Variants in ABHD3 observed in about 807,000 individuals in gnomAD.
ABHD3 encodes the protein abhydrolase domain containing 3, phospholipase.
A neutral mutation model predicts 48.8 loss-of-function variants in ABHD3; 46 were observed. That is an observed-to-expected ratio of 0.94 (90% confidence interval 0.74 to 1.20). ABHD3 has a LOEUF of 1.20. ABHD3 is among the 50% of genes most tolerant of loss of function. The pLI is 0.00. For synonymous variants in ABHD3, 192 were observed against 183.7 expected (o/e 1.04, Z -0.36); for missense variants, 490 against 497.8 (o/e 0.98, Z 0.15).
At chr18:21,689,563 A>AAAAG (rs1269041764) in intron 3 of ABHD3, among the ~76,000 whole-genome samples, 2 of 150,660 alleles carry the variant, frequency 1.3e-5, no homozygotes, top group African/African-American at 4.9e-5. Context: ...AAAAAAAAAA[A>AAAAG]AAAAAAAAAA....
At position 21,689,474 on chromosome 18, in the gene ABHD3, G is replaced by A. The variant is rs374588517; in HGVS notation, c.510-5509C>T. On this transcript the variant is annotated intron_variant, in intron 3 of 8. Coordinates refer to ENST00000289119, the MANE Select transcript of ABHD3 (RefSeq NM_138340.5). ...TGAAGCAGGAGAATTGCTTGAATCC[G>A]GGAGGCGGAGTTTGCAGTGAGCCAA... Among the ~76,000 whole-genome samples, 38 of 149,796 alleles carry A rather than the reference G, an allele frequency of 2.5e-4. No homozygotes were observed. The Middle Eastern group carries it at 0.024, about 96-fold the overall frequency.
intron 4 of ABHD3, among the ~76,000 whole-genome samples, chr18:21,681,488 T>C (rs898736132): frequency 6.6e-6 from 1 of 152,130 alleles, no homozygotes; most frequent in African/African-American, 2.4e-5. Context: ...TGTAGGTCTG[T>C]AGTAACTGCT....
intron 3 of ABHD3, among the ~76,000 whole-genome samples, chr18:21,685,522 CTAAGA>C (rs1234639739): frequency 4.6e-5 from 7 of 152,172 alleles, no homozygotes; most frequent in East Asian, 1.9e-4. Flanking sequence ...ATTAACTCAC[CTAAGA>C]TAAATCTTTT....
Position 21,659,211 on chromosome 18 carries a change from A to C in ABHD3, c.801T>G (p.Phe267Leu), listed in dbSNP as rs2039426571. 2 of 1,613,632 alleles carry C rather than the reference A, an allele frequency of 1.2e-6. No homozygotes were observed. The highest frequency in any genetic ancestry group is 1.7e-6 in the Non-Finnish European group (2 of 1,179,910). ...GAAGGCAGGTTGTCAAATAGTAATT[A>C]AAAAGTAGCCAGTTCAGTGGTTTTT... is the stretch of plus-strand genomic sequence containing the variant. Reference protein sequence around the residue: ...SLEKPLNWLLFNYYLTTCLQS... With the variant: ...SLEKPLNWLLLNYYLTTCLQS... Residue 267 changes from phenylalanine to leucine, a missense_variant, in exon 6 of 9, where the codon TTT becomes TTG. Coordinates refer to ENST00000289119, the MANE Select transcript of ABHD3 (RefSeq NM_138340.5).
At position 21,651,654 on chromosome 18, in the gene ABHD3, G is replaced by GT; in HGVS notation, c.1166dup (p.Tyr389Ter). 6.2e-7 allele frequency: 1 copy of GT among 1,614,056 alleles called. No homozygotes were observed. Among genetic ancestry groups the GT allele is most frequent in the Non-Finnish European group, 8.5e-7 (1 of 1,180,002 alleles). ...CAAATTGCTTGAAGACACGATCCAT[G>GT]TAAGTGGACTGTCTTGGCCAGATTC... The part of the protein sequence containing the change: ...LEGIWPRQST[Y>*]MDRVFKQFVQ... Residue 389 changes from tyrosine to a stop codon, truncating the protein, a stop_gained and frameshift_variant, in exon 9 of 9, where the codon TAC becomes TAAC. Transcript: ENST00000289119. LOFTEE classifies it high-confidence loss of function.
chr18:21,668,200 CAAAAAAA>C (rs747590942), intron 4 of ABHD3, among the ~76,000 whole-genome samples: 2 of 61,354 alleles, frequency 3.3e-5, no homozygotes, highest in East Asian at 5.0e-4. Context: ...GAATCTATCT[CAAAAAAA>C]AAAAAAAAAA....
At chr18:21,654,387 G>T (rs1014117434) in intron 8 of ABHD3, among the ~76,000 whole-genome samples, 5 of 152,096 alleles carry the variant, frequency 3.3e-5, no homozygotes, top group Non-Finnish European at 7.4e-5. Flanking sequence ...TCCACAAATT[G>T]ACTGTTTAGA....
At chr18:21,663,756 G>A in intron 5 of ABHD3, 1 of 1,535,568 alleles carries the variant, frequency 6.5e-7, no homozygotes, top group Non-Finnish European at 8.7e-7. Flanking sequence ...AGTGATGAAA[G>A]TCATGCTACA....
chr18:21,680,864 G>T (rs962858354), intron 4 of ABHD3, among the ~76,000 whole-genome samples: 1 of 151,090 alleles, frequency 6.6e-6, no homozygotes, highest in African/African-American at 2.4e-5. Flanking sequence ...GTGTGTGTGT[G>T]TGTGTGTGTG....
intron 3 of ABHD3, among the ~76,000 whole-genome samples, chr18:21,697,476 T>G (rs2040398682): frequency 6.6e-6 from 1 of 151,846 alleles, no homozygotes; most frequent in Admixed American, 6.6e-5. Context: ...ACCTCCCGAG[T>G]TCAAGCGATT....
chr18:21,661,102 T>TAAAAAAAAAAAAAA (rs35710540), intron 5 of ABHD3, among the ~76,000 whole-genome samples: 1 of 57,226 alleles, frequency 1.7e-5, no homozygotes, highest in African/African-American at 7.0e-5. Context: ...AACTACAAGC[T>TAAAAAAAAAAAAAA]AAAAAAAAAA....
intron 8 of ABHD3, among the ~76,000 whole-genome samples, chr18:21,652,482 A>G (rs2039246878): frequency 6.6e-6 from 1 of 151,896 alleles, no homozygotes; most frequent in African/African-American, 2.4e-5. Flanking sequence ...AAGAAAAAAG[A>G]AAGAAAGAGA....
intron 4 of ABHD3, among the ~76,000 whole-genome samples, chr18:21,674,150 C>T (rs1332404670): frequency 6.6e-6 from 1 of 152,076 alleles, no homozygotes; most frequent in African/African-American, 2.4e-5. Context: ...TACAGGATCA[C>T]CTGACACATA....
rs753354281 is a variant in ABHD3 at position 21,704,564 on chromosome 18, T to G, written c.102A>C (p.Leu34Phe). 3.3e-6 allele frequency: 5 copies of G among 1,537,290 alleles called. No homozygotes were observed. The highest frequency in any genetic ancestry group is 4.4e-6 in the Non-Finnish European group (5 of 1,144,428). The change falls in exon 1 of 9, where the codon TTA (leucine) becomes TTC (phenylalanine). Residue 34 changes from leucine to phenylalanine, a missense_variant. By Grantham distance (22) the Leu-to-Phe change is conservative (BLOSUM62 0). Coordinates refer to ENST00000289119, the MANE Select transcript of ABHD3 (RefSeq NM_138340.5). Reference protein sequence around the residue: ...RVGFFGSGVGLSLILGFSVAY... With the variant: ...RVGFFGSGVGFSLILGFSVAY... ...CGACGCTGAAGCCCAGGATAAGGGA[T>G]AAGCCCACCCCCGAGCCGAAGAACC...
intron 4 of ABHD3, among the ~76,000 whole-genome samples, chr18:21,673,857 C>T (rs930396863): frequency 3.3e-5 from 5 of 151,990 alleles, no homozygotes; most frequent in African/African-American, 7.2e-5. Flanking sequence ...CCACCCGCCT[C>T]GGCCTCTCAA....
chr18:21,691,175 CAAGAGGTCAAGAA>C (rs2040244209), intron 3 of ABHD3, among the ~76,000 whole-genome samples: 1 of 151,992 alleles, frequency 6.6e-6, no homozygotes, highest in Admixed American at 6.6e-5. Flanking sequence ...AACTTCATGA[CAAGAGGTCAAGAA>C]GAACATTTCA....
At position 21,700,827 on chromosome 18, in the gene ABHD3, C is replaced by CAAAAAA. The variant is rs375239917; in HGVS notation, c.509+1483_509+1488dup. 1.3e-4 allele frequency among the ~76,000 whole-genome samples: 12 copies of CAAAAAA among 94,374 alleles called. 1 individual carries two copies. Among genetic ancestry groups the CAAAAAA allele is most frequent in the African/African-American group, 4.2e-4 (12 of 28,668 alleles). The allele number at this position is 94,374 out of a possible 152,430, so 61.9% of individuals were successfully genotyped here. On this transcript the variant is annotated intron_variant, in intron 3 of 8. Transcript: ENST00000289119. ...TTTCTGAGCATGACTAAGTTTTAGCCAAAAAAAAAAAAAAAAAAAAAATGG... is the reference window on the plus strand; with the variant it reads ...TTTCTGAGCATGACTAAGTTTTAGCCAAAAAAAAAAAAAAAAAAAAAAAAAAAATGG...
chr18:21,688,096 A>G (rs1255795514), intron 3 of ABHD3, among the ~76,000 whole-genome samples: 1 of 152,184 alleles, frequency 6.6e-6, no homozygotes, highest in African/African-American at 2.4e-5. Flanking sequence ...CTGTGATCAC[A>G]CCAATGCACT....
At chr18:21,669,034 C>A (rs1234161695) in intron 4 of ABHD3, among the ~76,000 whole-genome samples, 2 of 151,910 alleles carry the variant, frequency 1.3e-5, no homozygotes, top group African/African-American at 4.8e-5. Flanking sequence ...GCACCCTGGG[C>A]AACACAGCAA....
Sources: allele counts gnomAD v4.1 joint callset (sites outside exome capture counted in the v4.1 genomes callset), GRCh38; gene constraint gnomAD v4.1.1; transcripts MANE v1.5; gene names NCBI Gene and HGNC (gene_info 2026-07-23, HGNC 2026-07-21).